Variants in ELOVL6 observed in about 807,000 individuals in gnomAD.
ELOVL6 encodes ELOVL fatty acid elongase 6, also known as very long chain fatty acid elongase 6.
A neutral mutation model predicts 31.7 loss-of-function variants in ELOVL6; 8 were observed. That is an observed-to-expected ratio of 0.25 (90% CI 0.15 to 0.45). The LOEUF is 0.45. ELOVL6 is among the 20% of genes least tolerant of loss of function. The probability of loss-of-function intolerance (pLI) is 1.00; values close to 1 mark genes in which losing one functional copy is unlikely to be tolerated. For synonymous variants in ELOVL6, 101 were observed against 117.7 expected (o/e 0.86, Z 0.92); for missense variants, 126 against 326.4 (o/e 0.39, Z 4.73).
At chr4:110,192,879 G>A (rs1349297693) in intron 1 of ELOVL6, among the ~76,000 whole-genome samples, 2 of 152,134 alleles carry the variant, frequency 1.3e-5, no homozygotes, top group African/African-American at 2.4e-5. Flanking sequence ...AAATCAATAT[G>A]AACTGTGATA....
At chr4:110,117,903 A>ATATATATATATAT (rs1553958739) in intron 1 of ELOVL6, 1 of 6,492 alleles carries the variant, frequency 1.5e-4, no homozygotes, top group Non-Finnish European at 3.7e-4. Flanking sequence ...AAAAAAAAAA[A>ATATATATATATAT]ATATATATAT....
At chr4:110,177,847 A>G (rs2126276358) in intron 1 of ELOVL6, among the ~76,000 whole-genome samples, 1 of 152,310 alleles carries the variant, frequency 6.6e-6, no homozygotes, top group South Asian at 2.1e-4. Flanking sequence ...AAGTTCCCTG[A>G]TTGGCATAAA....
At chr4:110,125,517 C>T (rs1757467204) in intron 1 of ELOVL6, among the ~76,000 whole-genome samples, 1 of 151,914 alleles carries the variant, frequency 6.6e-6, no homozygotes, top group Non-Finnish European at 1.5e-5. Flanking sequence ...TTTCTTTACT[C>T]TATTAGAAAG....
In ELOVL6 at chr4:110,083,995, A is replaced by ATGAT. The variant is rs1283831853; in HGVS notation, c.221+21501_221+21502insATCA. Among the ~76,000 whole-genome samples the ATGAT allele has an allele frequency of 6.4e-4, 73 of 114,074 alleles. 8 individuals are homozygous for ATGAT. The highest frequency in any genetic ancestry group is 6.6e-3 in the Middle Eastern group (1 of 152). 74.8% of individuals were successfully genotyped at this position (114,074 alleles called of 152,430 possible). A position where few individuals can be genotyped will look rare whatever the true frequency, so the allele number is the denominator to read the frequency against. ...ATAACATATGCCATATACGATATAT[A>ATGAT]ACATATGCCATATATGGTATATAAC... On this transcript the variant is annotated intron_variant, in intron 2 of 3. Coordinates refer to ENST00000302274, the MANE Select transcript of ELOVL6 (RefSeq NM_024090.3).
rs1578438876 is a variant in ELOVL6 at position 110,051,236 on chromosome 4, G to A, written c.*102C>T. On this transcript the variant is annotated 3_prime_UTR_variant, in exon 4 of 4. Transcript: ENST00000302274. The surrounding 1 kb of genome is among the most constrained non-coding windows in gnomAD (Gnocchi z 4.8). Reference sequence around the variant, plus strand: ...TGGGTTTTGTGTTTGCTCATGTTTTGTTTTGTTTTAGCTGCACCACGTGTG... The same window carrying A: ...TGGGTTTTGTGTTTGCTCATGTTTTATTTTGTTTTAGCTGCACCACGTGTG... 3 of 1,249,008 alleles carry A rather than the reference G, an allele frequency of 2.4e-6. No individual in the cohort carries two copies. The highest frequency in any genetic ancestry group is 1.5e-5 in the African/African-American group (1 of 66,558). The allele number at this position is 1,249,008 out of a possible 1,614,324, so 77.4% of individuals were successfully genotyped here. A position where few individuals can be genotyped will look rare whatever the true frequency, so the allele number is the denominator to read the frequency against.
chr4:110,194,544 G>A (rs1759716298), intron 1 of ELOVL6, among the ~76,000 whole-genome samples: 8 of 152,218 alleles, frequency 5.3e-5, no homozygotes, highest in Admixed American at 5.2e-4. Flanking sequence ...CTAGGCCAAT[G>A]AGTATGAGGT....
intron 2 of ELOVL6, among the ~76,000 whole-genome samples, chr4:110,098,677 T>G (rs1756660495): frequency 6.6e-6 from 1 of 152,162 alleles, no homozygotes; most frequent in African/African-American, 2.4e-5. Context: ...TTTTTAAAAT[T>G]TTCATAAATG....
chr4:110,117,156 G>A (rs566588407), intron 1 of ELOVL6, among the ~76,000 whole-genome samples: 20 of 152,166 alleles, frequency 1.3e-4, no homozygotes, highest in Non-Finnish European at 2.4e-4. Flanking sequence ...TTGGCTACTG[G>A]CAGGTGGTGT....
intron 1 of ELOVL6, among the ~76,000 whole-genome samples, chr4:110,138,640 G>C (rs1261110316): frequency 6.6e-6 from 1 of 151,616 alleles, no homozygotes; most frequent in African/African-American, 2.4e-5. Flanking sequence ...AACATTCAAA[G>C]GAAAAGAAAG....
intron 2 of ELOVL6, among the ~76,000 whole-genome samples, chr4:110,092,492 C>T (rs2126240207): frequency 6.6e-6 from 1 of 152,308 alleles, no homozygotes; most frequent in South Asian, 2.1e-4. Context: ...TCTCTACCAT[C>T]CTCCACTCAT....
intron 2 of ELOVL6, among the ~76,000 whole-genome samples, chr4:110,084,553 C>CAGATATATATTTTTATATATATAT: frequency 1.7e-5 from 1 of 57,942 alleles, no homozygotes; most frequent in African/African-American, 1.0e-4. Context: ...CACACACACA[C>CAGATATATATTTTTATATATATAT]ACACACACAG....
chr4:110,084,068 T>C (rs1214919300), intron 2 of ELOVL6, among the ~76,000 whole-genome samples: 4 of 56,082 alleles, frequency 7.1e-5, no homozygotes, highest in Admixed American at 1.8e-4. Context: ...ATATATAACA[T>C]ATATATGCTA....
intron 1 of ELOVL6, among the ~76,000 whole-genome samples, chr4:110,166,771 T>C (rs1374418092): frequency 6.6e-6 from 1 of 152,210 alleles, no homozygotes; most frequent in Non-Finnish European, 1.5e-5. Flanking sequence ...GTCTTCCTTT[T>C]TCATCAACCC....
chr4:110,158,657 A>ATATTTTTT, intron 1 of ELOVL6, among the ~76,000 whole-genome samples: 13 of 74,156 alleles, frequency 1.8e-4, no homozygotes, highest in African/African-American at 9.9e-4. Context: ...ATATATATAT[A>ATATTTTTT]TTTTTTTTTT....
At chr4:110,198,679 A>C (rs1759898545), upstream of ELOVL6, 1 of 217,952 alleles carries the variant, frequency 4.6e-6, no homozygotes, top group Non-Finnish European at 9.1e-6. Flanking sequence ...CCCTCGTGCG[A>C]TTTGAGAAAT....
At chr4:110,114,180 T>C (rs1188993765) in intron 1 of ELOVL6, among the ~76,000 whole-genome samples, 1 of 152,202 alleles carries the variant, frequency 6.6e-6, no homozygotes, top group Non-Finnish European at 1.5e-5. Flanking sequence ...TGAGTGACTC[T>C]CCTGTCACCA....
At chr4:110,067,819 C>T (rs965196689) in intron 2 of ELOVL6, among the ~76,000 whole-genome samples, 4 of 152,112 alleles carry the variant, frequency 2.6e-5, no homozygotes, top group African/African-American at 9.7e-5. Context: ...ATCAACATAC[C>T]ACTTTCTTTC....
intron 1 of ELOVL6, among the ~76,000 whole-genome samples, chr4:110,166,040 G>A (rs927648941): frequency 6.6e-6 from 1 of 152,106 alleles, no homozygotes; most frequent in African/African-American, 2.4e-5. Context: ...TCCTGGGACA[G>A]CTTATCAACA....
At chr4:110,059,071 G>A (rs772035044) in intron 3 of ELOVL6, among the ~76,000 whole-genome samples, 4 of 152,062 alleles carry the variant, frequency 2.6e-5, no homozygotes, top group Non-Finnish European at 5.9e-5. Flanking sequence ...CTTTCTGGAA[G>A]GTAAATTACA....
Sources: gnomAD v4.1 joint callset for allele counts (sites outside exome capture counted in the v4.1 genomes callset) on GRCh38, gnomAD v4.1.1 for gene constraint, Gnocchi (gnomAD v3.1) non-coding constraint, MANE v1.5 for transcripts, NCBI Gene and HGNC (gene_info 2026-07-23, HGNC 2026-07-21) for gene names.